Variants in CNTNAP4 observed in about 807,000 individuals in gnomAD.
CNTNAP4 encodes the protein contactin-associated protein-like 4.
Under a neutral mutation model 148.4 loss-of-function variants are expected in CNTNAP4, and 98 were observed. The ratio of observed to expected loss-of-function variants is 0.66; its 90% confidence interval spans 0.56 to 0.78. The LOEUF is 0.78. Among genes scored for constraint, CNTNAP4 ranks in the 30% least tolerant of loss-of-function variants. CNTNAP4 has a pLI of 0.00. For missense variants in CNTNAP4, 1,935 were observed against 1,565.6 expected (o/e 1.24, Z -3.98); for synonymous variants, 730 against 565.1 (o/e 1.29, Z -4.14).
chr16:76,411,969 C>G (rs544653566), intron 3 of CNTNAP4, among the ~76,000 whole-genome samples: 1 of 151,518 alleles, frequency 6.6e-6, no homozygotes, highest in Admixed American at 6.6e-5. Context: ...CCTCCCTCTT[C>G]CCACCAAATA....
In CNTNAP4 at chr16:76,522,045, C is replaced by A. The variant is rs1410730837; in HGVS notation, c.2543C>A (p.Thr848Lys). The change falls in exon 17 of 24, where the codon ACA (threonine) becomes AAA (lysine). Residue 848 changes from threonine to lysine, a missense_variant. Transcript: ENST00000611870. ...DFIRIELRSP[T>K]VVTFSFDVGN... ...TTATGTGTAATATTTCCAGCTCCGA[C>A]AGTAGTGACTTTTTCATTTGATGTG... 6.2e-7 allele frequency: 1 copy of A among 1,613,666 alleles called. No homozygotes were observed. The highest frequency in any genetic ancestry group is 1.3e-5 in the African/African-American group (1 of 74,916).
intron 3 of CNTNAP4, among the ~76,000 whole-genome samples, chr16:76,379,671 C>T (rs774690340): frequency 2.6e-5 from 4 of 152,176 alleles, no homozygotes; most frequent in Non-Finnish European, 5.9e-5. Context: ...ATTAACCAAG[C>T]TGTGACACTA....
Position 76,553,462 on chromosome 16 carries a change from A to T in CNTNAP4, c.3622A>T (p.Thr1208Ser). ...GTCCAGCTGTATGGCCCAGCCTGGC[A>T]CTGATGCCACATCAAGGGAAAGGAC... Reference protein sequence around the residue: ...TESSCMAQPGTDATSRERTHS... With the variant: ...TESSCMAQPGSDATSRERTHS... Residue 1208 changes from threonine (T) to serine (S), a missense_variant, in exon 22 of 24, where the codon ACT becomes TCT. By Grantham distance (58) the Thr-to-Ser change is moderately conservative (BLOSUM62 1). Coordinates refer to ENST00000611870, the MANE Select transcript of CNTNAP4 (RefSeq NM_033401.5). 6.2e-7 allele frequency: 1 copy of T among 1,612,438 alleles called. No homozygotes were observed. Among genetic ancestry groups the T allele is most frequent in the Non-Finnish European group, 8.5e-7 (1 of 1,179,302 alleles).
chr16:76,446,743 CA>C (rs2080263918), intron 4 of CNTNAP4, among the ~76,000 whole-genome samples: 1 of 151,992 alleles, frequency 6.6e-6, no homozygotes, highest in Non-Finnish European at 1.5e-5. Context: ...GAAAATAAGA[CA>C]AAACACAAAG....
intron 2 of CNTNAP4, among the ~76,000 whole-genome samples, chr16:76,318,518 T>C (rs779181113): frequency 6.6e-5 from 10 of 152,142 alleles, no homozygotes; most frequent in African/African-American, 2.4e-4. Flanking sequence ...ATTTTAATTA[T>C]CTTTTGCTGG....
At chr16:76,540,419 G>T (rs184177058) in intron 20 of CNTNAP4, among the ~76,000 whole-genome samples, 53 of 151,956 alleles carry the variant, frequency 3.5e-4, no homozygotes, top group African/African-American at 1.2e-3. Flanking sequence ...TTATCCAGTG[G>T]AGAAAAATAA....
intron 19 of CNTNAP4, among the ~76,000 whole-genome samples, chr16:76,538,770 C>G (rs1206636953): frequency 4.6e-5 from 7 of 151,802 alleles, no homozygotes; most frequent in Admixed American, 4.6e-4. Flanking sequence ...AATATGTCCA[C>G]AAGATGACCT....
chr16:76,519,324 G>C (rs1352529895), intron 15 of CNTNAP4, among the ~76,000 whole-genome samples: 1 of 152,016 alleles, frequency 6.6e-6, no homozygotes, highest in Non-Finnish European at 1.5e-5. Flanking sequence ...ACAGATAGCA[G>C]CAATTCAAAG....
intron 1 of CNTNAP4, among the ~76,000 whole-genome samples, chr16:76,299,172 T>G: frequency 6.6e-6 from 1 of 152,106 alleles, no homozygotes; most frequent in Non-Finnish European, 1.5e-5. Context: ...CTAAAGAGCT[T>G]CTGCACAGCA....
intron 2 of CNTNAP4, among the ~76,000 whole-genome samples, chr16:76,330,300 C>T (rs1048882113): frequency 3.3e-5 from 5 of 152,116 alleles, no homozygotes; most frequent in African/African-American, 1.2e-4. Flanking sequence ...TAATCTCTGT[C>T]TCTTAAACTC....
chr16:76,312,767 A>C (rs10492884), intron 1 of CNTNAP4, among the ~76,000 whole-genome samples: 10,123 of 152,278 alleles, frequency 0.066, 1,135 homozygotes, highest in African/African-American at 0.23. Context: ...CAATGAGAAG[A>C]GCAAATTAAT....
At chr16:76,390,401 G>C (rs964255879) in intron 3 of CNTNAP4, among the ~76,000 whole-genome samples, 38 of 151,984 alleles carry the variant, frequency 2.5e-4, no homozygotes, top group Non-Finnish European at 3.7e-4. Flanking sequence ...TAGAAGATTG[G>C]GGTCTGGACT....
intron 1 of CNTNAP4, among the ~76,000 whole-genome samples, chr16:76,300,709 T>C (rs1192434567): frequency 6.6e-6 from 1 of 152,166 alleles, no homozygotes; most frequent in African/African-American, 2.4e-5. Flanking sequence ...GGTTGAGATA[T>C]AGCATGCAAT....
intron 1 of CNTNAP4, among the ~76,000 whole-genome samples, chr16:76,299,136 G>A (rs985651997): frequency 4.6e-5 from 7 of 152,010 alleles, no homozygotes; most frequent in African/African-American, 1.2e-4. Context: ...ACAAAAGCCA[G>A]AATTGACAAA....
chr16:76,343,886 C>A (rs998190791), intron 2 of CNTNAP4, among the ~76,000 whole-genome samples: 2 of 152,132 alleles, frequency 1.3e-5, no homozygotes, highest in African/African-American at 4.8e-5. Context: ...AATAGCAAAT[C>A]TTTTCTCTAC....
chr16:76,297,037 A>T (rs1959382521), intron 1 of CNTNAP4, among the ~76,000 whole-genome samples: 1 of 152,202 alleles, frequency 6.6e-6, no homozygotes, highest in African/African-American at 2.4e-5. Context: ...AGTTGTAAAG[A>T]AGTAACCTTT....
At chr16:76,519,837 T>G (rs1028759139) in intron 15 of CNTNAP4, among the ~76,000 whole-genome samples, 13 of 152,208 alleles carry the variant, frequency 8.5e-5, no homozygotes, top group African/African-American at 3.1e-4. Context: ...AGCTGAGAAT[T>G]GACTTTTGAA....
At chr16:76,469,850 A>T (rs930771250) in intron 10 of CNTNAP4, among the ~76,000 whole-genome samples, 1 of 152,266 alleles carries the variant, frequency 6.6e-6, no homozygotes, top group Non-Finnish European at 1.5e-5. Context: ...TCAAAGTAAC[A>T]TTTGCATACT....
At chr16:76,361,992 A>G (rs1040108042) in intron 3 of CNTNAP4, among the ~76,000 whole-genome samples, 6 of 152,160 alleles carry the variant, frequency 3.9e-5, no homozygotes, top group African/African-American at 1.4e-4. Flanking sequence ...TGTCTGCTCA[A>G]TGCTTTTGCT....
Sources: gnomAD v4.1 joint callset for allele counts (sites outside exome capture counted in the v4.1 genomes callset) on GRCh38, gnomAD v4.1.1 for gene constraint, MANE v1.5 for transcripts, NCBI Gene and HGNC (gene_info 2026-07-23, HGNC 2026-07-21) for gene names.